SYCE1L: variants seen among roughly 807,000 people sequenced by gnomAD.
The protein encoded by SYCE1L is synaptonemal complex central element protein 1 like.
SYCE1L carries 51 observed loss-of-function variants against 39.6 expected under a neutral mutation model. The observed-to-expected ratio is 1.29, with a 90% CI of 1.03 to 1.63. The LOEUF (loss-of-function observed/expected upper bound fraction) is 1.63. Ranked by LOEUF, SYCE1L falls within the 40% of genes most tolerant of loss-of-function variation. The pLI is 0.00. For synonymous variants in SYCE1L, 147 were observed against 122.4 expected (o/e 1.20, Z -1.33); for missense variants, 426 against 304.9 (o/e 1.40, Z -2.96).
rs531573141 is a variant in SYCE1L, at chr16:77,206,355, G to T, written c.62-86G>T. The T allele has an allele frequency of 9.7e-6, 12 of 1,238,572 alleles. No homozygotes were observed. The African/African-American group carries it at 1.2e-4, about 12-fold the overall frequency. 76.7% of individuals were successfully genotyped at this position (1,238,572 alleles called of 1,614,324 possible). A position where few individuals can be genotyped will look rare whatever the true frequency, so the allele number is the denominator to read the frequency against. ...CCTTAGCCCCAGCCCACGGGTGTCT[G>T]CAGAGCCCACTGGGACTTCCTGCCT... On this transcript the variant is annotated intron_variant, in intron 1 of 10. Coordinates refer to ENST00000378644, the MANE Select transcript of SYCE1L (RefSeq NM_001129979.3).
intron 1 of SYCE1L, chr16:77,201,741 T>C (rs559731867): frequency 6.6e-6 from 1 of 152,266 alleles, no homozygotes; most frequent in East Asian, 1.9e-4. Context: ...GTCTCTGTGG[T>C]GGATTTCTTT....
At chr16:77,204,708 A>G (rs938142057) in intron 1 of SYCE1L, among the ~76,000 whole-genome samples, 5 of 152,216 alleles carry the variant, frequency 3.3e-5, no homozygotes, top group African/African-American at 9.6e-5. Flanking sequence ...GAAAAATACA[A>G]GATGGGGTGC....
rs1191891878 is a variant in SYCE1L, at chr16:77,213,135, G to T, written c.*204G>T. 6.7e-6 allele frequency: 3 copies of T among 446,956 alleles called. No homozygotes were observed. The South Asian group carries it at 1.9e-4, about 28-fold the overall frequency. The allele number at this position is 446,956 out of a possible 1,614,324, so 27.7% of individuals were successfully genotyped here. On this transcript the variant is annotated 3_prime_UTR_variant, in exon 11 of 11. Transcript: ENST00000378644. ...GGCGCCGTACAGAGGCTGGGTAAAT[G>T]CTCCTGAACTCAGAGAGAGTAAGTG...
chr16:77,208,918 G>C (rs2142518189), intron 4 of SYCE1L, among the ~76,000 whole-genome samples, 179 bp from the exon 5 acceptor site: 1 of 152,314 alleles, frequency 6.6e-6, no homozygotes, highest in Non-Finnish European at 1.5e-5. Context: ...TGTGGGCATA[G>C]AGGGGGAGAA....
intron 1 of SYCE1L, among the ~76,000 whole-genome samples, chr16:77,204,828 T>A (rs957358175): frequency 2.6e-5 from 4 of 151,966 alleles, no homozygotes; most frequent in African/African-American, 9.7e-5. Context: ...GAGGGTTGCA[T>A]GAGCTCAGGA....
In SYCE1L at chr16:77,208,498, C is replaced by A; in HGVS notation, c.215C>A (p.Thr72Asn). ...AAATCCAGTGAGGAACTGAGAGAGA[C>A]CCACAGTCTCTGGGAGGCCCTGCAT... ...KKKSSEELRE[T>N]HSLWEALHRE... The change falls in exon 4 of 11, where the codon ACC becomes AAC. Residue 72 changes from threonine (T) to asparagine (N), a missense_variant. By Grantham distance (65) the Thr-to-Asn change is moderately conservative. Coordinates refer to ENST00000378644, the MANE Select transcript of SYCE1L (RefSeq NM_001129979.3). The A allele has an allele frequency of 6.4e-7, 1 of 1,551,680 alleles. No homozygotes were observed. Among genetic ancestry groups the A allele is most frequent in the Non-Finnish European group, 8.7e-7 (1 of 1,146,982 alleles).
intron 1 of SYCE1L, among the ~76,000 whole-genome samples, chr16:77,203,298 CT>C (rs1265277031): frequency 6.6e-6 from 1 of 152,052 alleles, no homozygotes; most frequent in Non-Finnish European, 1.5e-5. Context: ...GAGACTTTTC[CT>C]TTTTATTTTA....
chr16:77,204,456 A>G (rs1014432548), intron 1 of SYCE1L, among the ~76,000 whole-genome samples: 4 of 152,202 alleles, frequency 2.6e-5, no homozygotes, highest in African/African-American at 9.6e-5. Context: ...TAGACACATA[A>G]AGATATGAGA....
intron 1 of SYCE1L, among the ~76,000 whole-genome samples, chr16:77,205,859 C>T (rs190623436): frequency 1.3e-5 from 2 of 152,150 alleles, no homozygotes; most frequent in Non-Finnish European, 1.5e-5. Flanking sequence ...GTAAGTGCAT[C>T]CTGAGCTGCA....
intron 1 of SYCE1L, among the ~76,000 whole-genome samples, chr16:77,205,843 C>T (rs918464378): frequency 6.6e-6 from 1 of 152,128 alleles, no homozygotes; most frequent in Non-Finnish European, 1.5e-5. Context: ...CTCCCCAAGG[C>T]AGCTTGTAAG....
chr16:77,212,414 C>T, intron 9 of SYCE1L, 45 bp downstream of exon 9: 2 of 1,529,288 alleles, frequency 1.3e-6, no homozygotes, highest in Non-Finnish European at 8.8e-7. Flanking sequence ...AGGGGCAGGG[C>T]GGAGGGGAAC....
chr16:77,206,522 G>C (rs2054786920), intron 2 of SYCE1L, 22 bp downstream of exon 2: 4 of 1,551,456 alleles, frequency 2.6e-6, no homozygotes, highest in Non-Finnish European at 3.5e-6. Context: ...CTTTGTTTCT[G>C]AGCCTCAGCC....
Position 77,199,682 on chromosome 16 carries a change from A to G in SYCE1L, c.61+170A>G, listed in dbSNP as rs868466395. On this transcript the variant is annotated intron_variant, in intron 1 of 10. Coordinates refer to ENST00000378644, the MANE Select transcript of SYCE1L (RefSeq NM_001129979.3). ...TTTTTAACCGTTCAGCACAGTGGAG[A>G]TAAATTAACAGGCATATTCTTATCA... 8.4e-5 allele frequency: 49 copies of G among 580,392 alleles called. No individual in the cohort carries two copies. The Middle Eastern group carries it at 2.3e-3, about 28-fold the overall frequency. 36.0% of individuals were successfully genotyped at this position (580,392 alleles called of 1,614,324 possible). A position where few individuals can be genotyped will look rare whatever the true frequency, so the allele number is the denominator to read the frequency against.
rs1194031235 is a variant in SYCE1L, at chr16:77,212,369, G to T, written c.581G>T (p.Gly194Val). 4 of 1,528,936 alleles carry T rather than the reference G, an allele frequency of 2.6e-6. No homozygotes were observed. The highest frequency in any genetic ancestry group is 2.6e-6 in the Non-Finnish European group (3 of 1,139,288). 94.7% of individuals were successfully genotyped at this position (1,528,936 alleles called of 1,614,324 possible). A position where few individuals can be genotyped will look rare whatever the true frequency, so the allele number is the denominator to read the frequency against. ...EVEGAMAVND[G>V]LKAELEIFGE... ...GAGGGCGCCATGGCGGTGAATGACG[G>T]GTGAGAGGGGAAGGGAGGAGTGGGC... The change falls in exon 9 of 11, where the codon GGG becomes GTG. Residue 194 changes from glycine (G) to valine (V), a missense_variant and splice_region_variant. By Grantham distance (109) the Gly-to-Val change is moderately radical (BLOSUM62 -3). Coordinates refer to ENST00000378644, the MANE Select transcript of SYCE1L (RefSeq NM_001129979.3).
chr16:77,211,282 C>T lies in SYCE1L; in HGVS notation c.423+6C>T, dbSNP rs1467890839. On this transcript the variant is annotated splice_donor_region_variant and intron_variant, in intron 7 of 10. Coordinates refer to ENST00000378644, the MANE Select transcript of SYCE1L (RefSeq NM_001129979.3). ...AGGACCTCTGGGAATTCCACGTGAG[C>T]CATTATCATTGCCTGCAACCAAAGC... The T allele has an allele frequency of 2.6e-6, 4 of 1,551,892 alleles. No homozygotes were observed. The highest frequency in any genetic ancestry group is 3.9e-5 in the Admixed American group (2 of 51,004).
rs1021505196 is a variant in SYCE1L, at chr16:77,209,490, G to C, written c.359+19G>C. The C allele has an allele frequency of 1.9e-6, 3 of 1,551,502 alleles. No individual in the cohort carries two copies. Among genetic ancestry groups the C allele is most frequent in the Non-Finnish European group, 2.6e-6 (3 of 1,146,944 alleles). On this transcript the variant is annotated intron_variant, in intron 6 of 10. Transcript: ENST00000378644. ...CTCAGAGGTAAGAGGCCCTGCCTCA[G>C]CTCTTCCCTACCTCATTCCCCAGCT...
intron 1 of SYCE1L, chr16:77,200,955 C>G (rs1392669938): frequency 1.3e-5 from 2 of 152,134 alleles, no homozygotes; most frequent in Non-Finnish European, 2.9e-5. Context: ...CTCGAACACC[C>G]CTTTCTGCAC....
rs1296183630 is a variant in SYCE1L, at chr16:77,212,191, T to A, written c.485T>A (p.Leu162His). Residue 162 changes from leucine to histidine, a missense_variant, in exon 8 of 11, where the codon CTC becomes CAC. Leu to His is a moderately conservative substitution (Grantham distance 99, BLOSUM62 -3). Coordinates refer to ENST00000378644, the MANE Select transcript of SYCE1L (RefSeq NM_001129979.3). Reference protein sequence around the residue: ...RALERSKEQLLSERRLVRAKL... With the variant: ...RALERSKEQLHSERRLVRAKL... ...CTGGAGAGAAGCAAGGAGCAGCTGCTCTCGGAGAGTGAGCCTCCCGCGCCA... is the reference window on the plus strand; with the variant it reads ...CTGGAGAGAAGCAAGGAGCAGCTGCACTCGGAGAGTGAGCCTCCCGCGCCA... The A allele has an allele frequency of 6.5e-7, 1 of 1,547,772 alleles. No homozygotes were observed. The highest frequency in any genetic ancestry group is 2.5e-5 in the East Asian group (1 of 40,676).
rs1055717836 is a variant in SYCE1L, at chr16:77,199,486, C to T, written c.35C>T (p.Ala12Val). The change falls in exon 1 of 11, where the codon GCG (alanine) becomes GTG (valine). Residue 12 changes from alanine (A) to valine (V), a missense_variant. Transcript: ENST00000378644. ...AAGCTGAAACCTCTGAATGTGGAGG[C>T]GCCAGAAGCTACTGAGGAGGCTGAA... ...AGKLKPLNVE[A>V]PEATEEAEGQ... 13 of 1,551,160 alleles carry T rather than the reference C, an allele frequency of 8.4e-6. No homozygotes were observed. In the African/African-American group the frequency reaches 1.1e-4, roughly 13 times the overall value.
Sources: allele counts gnomAD v4.1 joint callset (sites outside exome capture counted in the v4.1 genomes callset), GRCh38; gene constraint gnomAD v4.1.1; transcripts MANE v1.5; gene names NCBI Gene and HGNC (gene_info 2026-07-23, HGNC 2026-07-21).